PEAK1: variants seen among roughly 807,000 people sequenced by gnomAD.
PEAK1 encodes pseudopodium enriched atypical kinase 1.
A neutral mutation model predicts 124.7 loss-of-function variants in PEAK1; 54 were observed. The observed-to-expected ratio is 0.43, with a 90% CI of 0.35 to 0.54. The LOEUF (loss-of-function observed/expected upper bound fraction) is 0.54. Among genes scored for constraint, PEAK1 ranks in the 20% least tolerant of loss-of-function variants. The pLI, the probability that PEAK1 is intolerant of heterozygous loss-of-function variation, is 0.01. For missense variants in PEAK1, 2,046 were observed against 2,134.5 expected, an observed-to-expected ratio of 0.96 and a Z score of 0.82; for synonymous variants, 719 against 760.0, an observed-to-expected ratio of 0.95 and a Z score of 0.89.
chr15:77,345,183 T>C (rs2066795490), intron 2 of PEAK1, among the ~76,000 whole-genome samples: 1 of 152,212 alleles, frequency 6.6e-6, no homozygotes, highest in African/African-American at 2.4e-5. Flanking sequence ...TTTCCATATA[T>C]GGCCTACATT....
chr15:77,417,293 C>T (rs924552322), intron 1 of PEAK1: 2 of 938,520 alleles, frequency 2.1e-6, no homozygotes, highest in Admixed American at 1.2e-4. Context: ...TTAAAAGGTA[C>T]TCAAACATTT....
In PEAK1 at chr15:77,272,343, AAT is replaced by A. The variant is rs1422035852; in HGVS notation, c.-275+11538_-275+11539del. On this transcript the variant is annotated intron_variant, in intron 5 of 9. Transcript: ENST00000682557. ...AAAAAGCTGGTTCTTTGAAAAGATAAATAAAATTGATAGACCATTAGTGAGAT... is the reference window on the plus strand; with the variant it reads ...AAAAAGCTGGTTCTTTGAAAAGATAAAAAATTGATAGACCATTAGTGAGAT... Among the ~76,000 whole-genome samples the A allele has an allele frequency of 1.2e-4, 18 of 152,352 alleles. 1 individual carries two copies. Among genetic ancestry groups the A allele is most frequent in the Admixed American group, 1.0e-3 (16 of 15,304 alleles).
intron 8 of PEAK1, chr15:77,158,296 T>C: frequency 1.8e-6 from 1 of 552,858 alleles, no homozygotes. Flanking sequence ...CCCTTAGCAC[T>C]TGGCACAGGG....
At chr15:77,246,273 C>T (rs1438765899) in intron 6 of PEAK1, among the ~76,000 whole-genome samples, 1 of 152,196 alleles carries the variant, frequency 6.6e-6, no homozygotes, top group African/African-American at 2.4e-5. Flanking sequence ...TCCCAAAGTG[C>T]TGGGATTACA....
Position 77,138,224 on chromosome 15 carries a change from G to T in PEAK1, c.3332-4474C>A, listed in dbSNP as rs117838606. The stretch of plus-strand genomic sequence containing the variant: ...ACTTGTGTATCTAAATGTAGAAAAG[G>T]TACAGTAAAAATACAGTATAAAAGA... On this transcript the variant is annotated intron_variant, in intron 8 of 9. Transcript: ENST00000682557. Among the ~76,000 whole-genome samples the T allele has an allele frequency of 1.5e-3, 224 of 152,156 alleles. 6 individuals are homozygous for T. The East Asian group carries it at 0.03, about 20-fold the overall frequency.
chr15:77,177,796 C>T (rs941406535), intron 7 of PEAK1: 1 of 152,026 alleles, frequency 6.6e-6, no homozygotes, highest in African/African-American at 2.4e-5. Context: ...ATTTTGTTTA[C>T]AATATAAATA....
chr15:77,159,770 G>C (rs1424265176), intron 7 of PEAK1, among the ~76,000 whole-genome samples: 1 of 152,206 alleles, frequency 6.6e-6, no homozygotes, highest in Non-Finnish European at 1.5e-5. Flanking sequence ...TGTGCCATCA[G>C]AACATATATC....
intron 6 of PEAK1, among the ~76,000 whole-genome samples, chr15:77,185,688 A>G (rs1246242969): frequency 1.3e-5 from 2 of 152,200 alleles, no homozygotes; most frequent in Non-Finnish European, 2.9e-5. Flanking sequence ...AAGAGTAGGC[A>G]GGAAGGAGAA....
At chr15:77,197,632 G>C (rs898007528) in intron 6 of PEAK1, among the ~76,000 whole-genome samples, 2 of 151,986 alleles carry the variant, frequency 1.3e-5, no homozygotes, top group Non-Finnish European at 2.9e-5. Flanking sequence ...TGTGTTCTGA[G>C]ATAAGACAAA....
At chr15:77,170,235 A>G (rs1368098850) in intron 7 of PEAK1, among the ~76,000 whole-genome samples, 2 of 152,178 alleles carry the variant, frequency 1.3e-5, no homozygotes, top group Non-Finnish European at 2.9e-5. Flanking sequence ...GTGGTTTACT[A>G]TACTAGTCTA....
intron 5 of PEAK1, chr15:77,255,512 C>T (rs1454055345): frequency 2.5e-6 from 1 of 399,880 alleles, no homozygotes; most frequent in Non-Finnish European, 3.4e-6. Context: ...GACATGCAAA[C>T]AAGAAAAATA....
intron 5 of PEAK1, among the ~76,000 whole-genome samples, chr15:77,268,181 A>T (rs888775279): frequency 7.2e-5 from 11 of 152,200 alleles, no homozygotes; most frequent in Non-Finnish European, 1.6e-4. Context: ...AAGAATTTTT[A>T]AAAAATGAAC....
At chr15:77,348,345 TA>T in intron 2 of PEAK1, 2 of 884,374 alleles carry the variant, frequency 2.3e-6, no homozygotes, top group Non-Finnish European at 1.4e-6. Context: ...GAATATTAAA[TA>T]AAACAGGTTA....
chr15:77,211,483 A>C (rs1261241743), intron 6 of PEAK1, among the ~76,000 whole-genome samples: 1 of 152,192 alleles, frequency 6.6e-6, no homozygotes, highest in African/African-American at 2.4e-5. Flanking sequence ...TATTAACAGC[A>C]AAATCACTCA....
At chr15:77,193,242 A>T (rs1300718779) in intron 6 of PEAK1, among the ~76,000 whole-genome samples, 1 of 152,254 alleles carries the variant, frequency 6.6e-6, no homozygotes. Flanking sequence ...TTACCTATTC[A>T]GGATACAGCT....
At chr15:77,322,371 TA>T in intron 2 of PEAK1, among the ~76,000 whole-genome samples, 1 of 152,138 alleles carries the variant, frequency 6.6e-6, no homozygotes. Flanking sequence ...ACAAAATTGA[TA>T]GACCGCTAGC....
chr15:77,229,034 T>C (rs2059795233), intron 6 of PEAK1, among the ~76,000 whole-genome samples: 2 of 152,100 alleles, frequency 1.3e-5, no homozygotes, highest in South Asian at 2.1e-4. Context: ...CTCCAGAGGT[T>C]CTCATTCCAG....
chr15:77,330,090 C>T (rs923553829), intron 2 of PEAK1, among the ~76,000 whole-genome samples: 4 of 151,966 alleles, frequency 2.6e-5, no homozygotes, highest in African/African-American at 9.7e-5. Context: ...GTAGAAGTCA[C>T]TTTAGTTTTT....
Position 77,109,325 on chromosome 15 carries a change from TC to T in PEAK1, c.*4830del. 6.6e-6 allele frequency: 1 copy of T among 152,330 alleles called. No individual in the cohort carries two copies. Among genetic ancestry groups the T allele is most frequent in the East Asian group, 1.9e-4 (1 of 5,182 alleles). 9.4% of individuals were successfully genotyped at this position (152,330 alleles called of 1,614,324 possible). A position where few individuals can be genotyped will look rare whatever the true frequency, so the allele number is the denominator to read the frequency against. On this transcript the variant is annotated 3_prime_UTR_variant, in exon 10 of 10. Transcript: ENST00000682557. The stretch of plus-strand genomic sequence containing the variant: ...GCCAGGGCTTTCTTCATCTTCATCA[TC>T]ATCATCATCTTCTAATATACAAAAT...
Sources: allele counts gnomAD v4.1 joint callset (sites outside exome capture counted in the v4.1 genomes callset), GRCh38; gene constraint gnomAD v4.1.1; transcripts MANE v1.5; gene names NCBI Gene and HGNC (gene_info 2026-07-23, HGNC 2026-07-21).